BBX: variants seen among roughly 807,000 people sequenced by gnomAD.
The protein encoded by BBX is HMG box transcription factor BBX.
In BBX, 30 loss-of-function variants were observed where a neutral mutation model predicts 100.2. The observed-to-expected ratio is 0.30, with a 90% CI of 0.22 to 0.41. The LOEUF is 0.41. Among genes scored for constraint, BBX ranks in the 10% least tolerant of loss-of-function variants. The pLI is 1.00. For missense variants in BBX, 1,023 were observed against 1,129.8 expected, an observed-to-expected ratio of 0.91 and a Z score of 1.35; for synonymous variants, 376 against 388.1, an observed-to-expected ratio of 0.97 and a Z score of 0.37.
At chr3:107,674,648 G>C (rs962957066) in intron 3 of BBX, among the ~76,000 whole-genome samples, 1 of 152,306 alleles carries the variant, frequency 6.6e-6, no homozygotes, top group South Asian at 2.1e-4. Context: ...ATGTTTGAAA[G>C]CTGCTTTTCT....
At chr3:107,642,498 G>A (rs2057275389) in intron 2 of BBX, among the ~76,000 whole-genome samples, 1 of 152,184 alleles carries the variant, frequency 6.6e-6, no homozygotes, top group African/African-American at 2.4e-5. Context: ...GTGGAAGAGT[G>A]GGTATTAGAA....
intron 2 of BBX, among the ~76,000 whole-genome samples, chr3:107,568,565 T>G (rs1648891): frequency 0.11 from 16,306 of 152,180 alleles, 979 homozygotes; most frequent in Non-Finnish European, 0.12. Context: ...GACCATTTTC[T>G]GCTCTTTTCT....
chr3:107,685,140 G>A (rs910705225), intron 3 of BBX, among the ~76,000 whole-genome samples: 1 of 152,146 alleles, frequency 6.6e-6, no homozygotes, highest in African/African-American at 2.4e-5. Flanking sequence ...AGTTTTAGGA[G>A]CCAGGGTGTT....
At chr3:107,722,281 A>C (rs1172523695) in intron 5 of BBX, among the ~76,000 whole-genome samples, 3 of 152,016 alleles carry the variant, frequency 2.0e-5, no homozygotes, top group Non-Finnish European at 2.9e-5. Flanking sequence ...TGCGTCTCTC[A>C]AAACTCATTT....
chr3:107,795,786 T>C (rs2069585952), intron 15 of BBX, among the ~76,000 whole-genome samples: 1 of 152,094 alleles, frequency 6.6e-6, no homozygotes, highest in African/African-American at 2.4e-5. Context: ...CAGTCTGGTT[T>C]TAGGCAGAAA....
chr3:107,530,465 A>AT (rs1309742562), intron 2 of BBX, among the ~76,000 whole-genome samples: 2 of 152,252 alleles, frequency 1.3e-5, no homozygotes, highest in African/African-American at 4.8e-5. Flanking sequence ...ATTTTATGAA[A>AT]TCTTAAAAAA....
intron 8 of BBX, 57 bp downstream of exon 8, chr3:107,744,767 T>C: frequency 7.2e-7 from 1 of 1,382,746 alleles, no homozygotes; most frequent in Non-Finnish European, 1.0e-6. Context: ...GGGCTTAAAT[T>C]GGGGCTGATA....
chr3:107,770,177 G>A (rs1205284996), intron 10 of BBX, among the ~76,000 whole-genome samples: 1 of 152,192 alleles, frequency 6.6e-6, no homozygotes, highest in African/African-American at 2.4e-5. Flanking sequence ...TTTCAGGGGT[G>A]ATGAGAGAAT....
intron 13 of BBX, among the ~76,000 whole-genome samples, chr3:107,781,965 TA>T (rs578191134): frequency 6.6e-4 from 100 of 152,298 alleles, no homozygotes; most frequent in African/African-American, 2.3e-3. Context: ...AAGCCAATAG[TA>T]CTTTCAGTCT....
chr3:107,805,753 A>G lies in BBX; in HGVS notation c.*296A>G, dbSNP rs2071022089. 2 of 412,374 alleles carry G rather than the reference A, an allele frequency of 4.8e-6. No individual in the cohort carries two copies. The highest frequency in any genetic ancestry group is 8.5e-6 in the Non-Finnish European group (2 of 235,188). The allele number at this position is 412,374 out of a possible 1,614,324, so 25.5% of individuals were successfully genotyped here. Reference sequence around the variant, plus strand: ...CGGTAATAGGTGGTAACTTGGTAAAAGGCTGCCTTTACTGTAGCTCACCCA... The same window carrying G: ...CGGTAATAGGTGGTAACTTGGTAAAGGGCTGCCTTTACTGTAGCTCACCCA... On this transcript the variant is annotated 3_prime_UTR_variant, in exon 18 of 18. Coordinates refer to ENST00000325805, the MANE Select transcript of BBX (RefSeq NM_001142568.3).
At chr3:107,788,038 T>C (rs1443863861) in intron 13 of BBX, among the ~76,000 whole-genome samples, 1 of 152,224 alleles carries the variant, frequency 6.6e-6, no homozygotes, top group Non-Finnish European at 1.5e-5. Flanking sequence ...GATTGCTGAC[T>C]TTTCATATAC....
intron 2 of BBX, among the ~76,000 whole-genome samples, chr3:107,644,828 G>A (rs572748581): frequency 2.0e-3 from 305 of 152,076 alleles, no homozygotes; most frequent in Non-Finnish European, 3.7e-3. Context: ...TAATAGCACG[G>A]GGTGGCAACT....
chr3:107,716,730 T>G lies in BBX; in HGVS notation c.286T>G (p.Ser96Ala). ...AFLLFCKRHR[S>A]LVRQEHPRLD... is the part of the protein sequence containing the mutation. ...TCTTTTATTTTGCAAACGCCATCGCTCTCTTGTACGTCAGGAACACCCCAG... is the reference window on the plus strand; with the variant it reads ...TCTTTTATTTTGCAAACGCCATCGCGCTCTTGTACGTCAGGAACACCCCAG... Residue 96 changes from serine to alanine, a missense_variant, in exon 5 of 18, where the codon TCT (serine) becomes GCT (alanine). By Grantham distance (99) the Ser-to-Ala change is moderately conservative. This residue lies in a region of BBX where 229 missense variants were observed against 226.3 expected (regional missense o/e 1.01). Coordinates refer to ENST00000325805, the MANE Select transcript of BBX (RefSeq NM_001142568.3). 6.2e-7 allele frequency: 1 copy of G among 1,613,810 alleles called. No individual in the cohort carries two copies. Among genetic ancestry groups the G allele is most frequent in the East Asian group, 2.2e-5 (1 of 44,880 alleles).
chr3:107,636,104 A>G (rs907679694), intron 2 of BBX, among the ~76,000 whole-genome samples: 1 of 152,072 alleles, frequency 6.6e-6, no homozygotes, highest in African/African-American at 2.4e-5. Flanking sequence ...GGTATTATTT[A>G]TTTTGCATGC....
intron 5 of BBX, among the ~76,000 whole-genome samples, chr3:107,717,823 G>T (rs1456298759): frequency 2.0e-5 from 3 of 152,032 alleles, no homozygotes; most frequent in African/African-American, 7.2e-5. Context: ...TATTACTGTG[G>T]CTAAACTTGA....
At chr3:107,608,568 A>C (rs528181068) in intron 2 of BBX, among the ~76,000 whole-genome samples, 1 of 152,094 alleles carries the variant, frequency 6.6e-6, no homozygotes, top group Admixed American at 6.5e-5. Context: ...GTTGTGTATA[A>C]ATTTTAGGAA....
chr3:107,800,033 A>G (rs946123439), intron 16 of BBX, among the ~76,000 whole-genome samples: 19 of 152,212 alleles, frequency 1.2e-4, no homozygotes, highest in Admixed American at 1.2e-3. Flanking sequence ...AGGACAGTTT[A>G]TGAATTTTGT....
chr3:107,610,319 ATG>A (rs1333732771), intron 2 of BBX, among the ~76,000 whole-genome samples: 1 of 152,112 alleles, frequency 6.6e-6, no homozygotes. Context: ...AAGGAGAAGA[ATG>A]TGTATTTTGC....
intron 2 of BBX, among the ~76,000 whole-genome samples, chr3:107,575,970 A>C (rs2107532120): frequency 6.6e-6 from 1 of 152,344 alleles, no homozygotes; most frequent in African/African-American, 2.4e-5. Flanking sequence ...CGGCAGGTCG[A>C]GGCTGCAGTG....
Sources: allele counts gnomAD v4.1 joint callset (sites outside exome capture counted in the v4.1 genomes callset), GRCh38; gene constraint gnomAD v4.1.1; regional missense constraint gnomAD v4.1.1; transcripts MANE v1.5; gene names NCBI Gene and HGNC (gene_info 2026-07-23, HGNC 2026-07-21).